LUZP2: variants seen among roughly 807,000 people sequenced by gnomAD.
The protein encoded by LUZP2 is leucine zipper protein 2.
Under a neutral mutation model 51.6 loss-of-function variants are expected in LUZP2, and 52 were observed. The ratio of observed to expected loss-of-function variants is 1.01; its 90% CI spans 0.81 to 1.27. The LOEUF (loss-of-function observed/expected upper bound fraction) is 1.27, where lower values mean the gene tolerates loss of function less well. LUZP2 is among the 50% of genes most tolerant of loss of function. LUZP2 has a pLI of 0.00. For missense variants in LUZP2, 436 were observed against 395.4 expected (o/e 1.10, Z -0.87); for synonymous variants, 154 against 137.3 (o/e 1.12, Z -0.85).
chr11:24,539,760 G>C (rs916366473), intron 1 of LUZP2, among the ~76,000 whole-genome samples: 14 of 151,994 alleles, frequency 9.2e-5, no homozygotes, highest in African/African-American at 3.4e-4. Flanking sequence ...CATTTTGTGG[G>C]AGAAATTATT....
chr11:24,846,332 G>A (rs1006315936), intron 5 of LUZP2, among the ~76,000 whole-genome samples: 3 of 151,604 alleles, frequency 2.0e-5, no homozygotes, highest in Non-Finnish European at 4.4e-5. Context: ...AGTCAAATCC[G>A]CCAAATAAAA....
chr11:24,720,432 T>C (rs1279077991), intron 1 of LUZP2, among the ~76,000 whole-genome samples: 1 of 152,224 alleles, frequency 6.6e-6, no homozygotes, highest in African/African-American at 2.4e-5. Context: ...TAGTGTGAGA[T>C]TTATTTAATG....
chr11:24,854,672 A>C (rs1218147647), intron 5 of LUZP2, among the ~76,000 whole-genome samples: 1 of 151,706 alleles, frequency 6.6e-6, no homozygotes, highest in East Asian at 1.9e-4. Flanking sequence ...GATATGAAAA[A>C]AAAAAAAAAA....
intron 1 of LUZP2, among the ~76,000 whole-genome samples, chr11:24,498,403 C>T (rs1849894512): frequency 6.6e-6 from 1 of 151,392 alleles, no homozygotes; most frequent in Non-Finnish European, 1.5e-5. Flanking sequence ...ATTCTTGATT[C>T]CGTTCCTAAT....
At chr11:24,943,668 A>G (rs1416863968) in intron 7 of LUZP2, among the ~76,000 whole-genome samples, 1 of 152,148 alleles carries the variant, frequency 6.6e-6, no homozygotes, top group African/African-American at 2.4e-5. Flanking sequence ...ACTTGAGGTC[A>G]GGAGTTCGAG....
chr11:24,725,321 T>C (rs191141882), intron 1 of LUZP2, among the ~76,000 whole-genome samples: 1 of 152,222 alleles, frequency 6.6e-6, no homozygotes, highest in Non-Finnish European at 1.5e-5. Context: ...AGTGCCATAT[T>C]AAAATCAGCA....
intron 1 of LUZP2, among the ~76,000 whole-genome samples, chr11:24,699,334 G>A (rs1294062546): frequency 2.0e-5 from 3 of 151,952 alleles, no homozygotes; most frequent in African/African-American, 7.2e-5. Flanking sequence ...CAAATTTTTG[G>A]TGCAAAAACT....
intron 5 of LUZP2, among the ~76,000 whole-genome samples, chr11:24,803,105 A>T (rs535523278): frequency 6.6e-6 from 1 of 152,172 alleles, no homozygotes; most frequent in Admixed American, 6.5e-5. Flanking sequence ...AATGGGGGAA[A>T]ATATTTGCAA....
At chr11:25,044,010 CTA>C (rs1189535379) in intron 9 of LUZP2, among the ~76,000 whole-genome samples, 1 of 109,284 alleles carries the variant, frequency 9.2e-6, no homozygotes, top group Non-Finnish European at 1.8e-5. Context: ...GATATATAGT[CTA>C]TATATATCTG....
intron 5 of LUZP2, among the ~76,000 whole-genome samples, chr11:24,791,471 T>G (rs1849407478): frequency 6.6e-6 from 1 of 152,174 alleles, no homozygotes; most frequent in Admixed American, 6.5e-5. Flanking sequence ...TAGGACTAGC[T>G]GATAAACATA....
At chr11:25,016,188 G>A (rs1395453022) in intron 9 of LUZP2, among the ~76,000 whole-genome samples, 1 of 152,032 alleles carries the variant, frequency 6.6e-6, no homozygotes, top group African/African-American at 2.4e-5. Context: ...CAAAAGTGCT[G>A]GGATTACAAG....
chr11:24,752,817 A>G (rs1165785855), intron 4 of LUZP2, among the ~76,000 whole-genome samples: 1 of 152,128 alleles, frequency 6.6e-6, no homozygotes, highest in Non-Finnish European at 1.5e-5. Context: ...TGTATTAGAA[A>G]TCATGAGAAA....
intron 5 of LUZP2, among the ~76,000 whole-genome samples, chr11:24,858,290 A>G (rs1325618045): frequency 6.6e-6 from 1 of 152,116 alleles, no homozygotes; most frequent in Non-Finnish European, 1.5e-5. Flanking sequence ...CAGAATGGAA[A>G]ACATAATTAT....
chr11:24,613,395 C>A (rs1331523602), intron 1 of LUZP2, among the ~76,000 whole-genome samples: 1 of 151,994 alleles, frequency 6.6e-6, no homozygotes, highest in African/African-American at 2.4e-5. Context: ...TTAAAACTAT[C>A]ATAGGTAAGT....
chr11:24,953,355 A>G (rs1328915177), intron 7 of LUZP2, among the ~76,000 whole-genome samples: 1 of 151,964 alleles, frequency 6.6e-6, no homozygotes, highest in Non-Finnish European at 1.5e-5. Context: ...CACAGGAAAA[A>G]AAAATACCTG....
At chr11:24,691,712 G>T (rs888699526) in intron 1 of LUZP2, among the ~76,000 whole-genome samples, 21 of 152,128 alleles carry the variant, frequency 1.4e-4, no homozygotes, top group African/African-American at 5.1e-4. Flanking sequence ...GGTGGAAGGA[G>T]ACTTAACAAG....
chr11:24,715,363 A>G (rs1858003220), intron 1 of LUZP2, among the ~76,000 whole-genome samples: 1 of 151,598 alleles, frequency 6.6e-6, no homozygotes, highest in Non-Finnish European at 1.5e-5. Flanking sequence ...AGAGAAATTC[A>G]TATTCTATAG....
At chr11:24,792,051 A>T (rs747220421) in intron 5 of LUZP2, among the ~76,000 whole-genome samples, 8 of 151,940 alleles carry the variant, frequency 5.3e-5, no homozygotes, top group Non-Finnish European at 8.8e-5. Context: ...TTCATTTTAA[A>T]ATTATCCGAT....
chr11:24,730,459 T>C (rs1858673255), intron 2 of LUZP2, among the ~76,000 whole-genome samples: 1 of 150,902 alleles, frequency 6.6e-6, no homozygotes, highest in African/African-American at 2.4e-5. Context: ...GGTATCAGAA[T>C]GAAAACAGCG....
Sources: allele counts gnomAD v4.1 joint callset (sites outside exome capture counted in the v4.1 genomes callset), GRCh38; gene constraint gnomAD v4.1.1; transcripts MANE v1.5; gene names NCBI Gene and HGNC (gene_info 2026-07-23, HGNC 2026-07-21).